Variants in ZBTB25 observed in about 807,000 individuals in gnomAD.
ZBTB25 encodes zinc finger and BTB domain-containing protein 25.
A neutral mutation model predicts 34.2 loss-of-function variants in ZBTB25; 20 were observed. The observed-to-expected ratio is 0.58, with a 90% CI of 0.41 to 0.85. The LOEUF (loss-of-function observed/expected upper bound fraction) is 0.85. Ranked by LOEUF, ZBTB25 falls within the 40% of genes least tolerant of loss-of-function variation. ZBTB25 has a pLI of 0.00. For missense variants in ZBTB25, 437 were observed against 521.8 expected (o/e 0.84, Z 1.58); for synonymous variants, 175 against 186.4 (o/e 0.94, Z 0.50).
intron 2 of ZBTB25, among the ~76,000 whole-genome samples, chr14:64,463,748 G>A (rs1003128692): frequency 2.0e-5 from 3 of 151,920 alleles, no homozygotes; most frequent in Non-Finnish European, 2.9e-5. Context: ...ACTCCAGCCT[G>A]AGCAAGACCC....
Position 64,481,386 on chromosome 14 carries a change from T to C in ZBTB25, c.*5537A>G, listed in dbSNP as rs1457605475. Reference sequence around the variant, plus strand: ...GAATGTTTCTGAAGCAAATTCACAGTACATTAGGTGGATGAGTTTAGCCAC... The same window carrying C: ...GAATGTTTCTGAAGCAAATTCACAGCACATTAGGTGGATGAGTTTAGCCAC... On this transcript the variant is annotated 3_prime_UTR_variant, in exon 3 of 3. Transcript: ENST00000608382. The C allele has an allele frequency of 3.9e-5, 6 of 152,268 alleles. No homozygotes were observed. The highest frequency in any genetic ancestry group is 1.5e-5 in the Non-Finnish European group (1 of 68,054). The allele number at this position is 152,268 out of a possible 1,614,324, so 9.4% of individuals were successfully genotyped here. A position where few individuals can be genotyped will look rare whatever the true frequency, so the allele number is the denominator to read the frequency against.
intron 2 of ZBTB25, chr14:64,471,227 A>C (rs1360264830): frequency 2.7e-5 from 4 of 150,654 alleles, no homozygotes; most frequent in Non-Finnish European, 5.9e-5. Context: ...ATCTTGGCTC[A>C]CTGCAAGCTC....
Position 64,487,861 on chromosome 14 carries a change from G to A in ZBTB25, c.370C>T (p.Gln124Ter). 2 of 1,614,174 alleles carry A rather than the reference G, an allele frequency of 1.2e-6. No homozygotes were observed. The highest frequency in any genetic ancestry group is 1.7e-6 in the Non-Finnish European group (2 of 1,180,034). Residue 124 changes from glutamine to a stop codon, truncating the protein, a stop_gained, in exon 3 of 3, where the codon CAG becomes TAG. Coordinates refer to ENST00000608382, the MANE Select transcript of ZBTB25 (RefSeq NM_006977.5). LOFTEE classifies it high-confidence loss of function. ...TGAATGCCATATAAATTTGAGGACT[G>A]CACAGTCTCTGGTGAGAACACTTGA... The part of the protein sequence containing the change: ...MNQVFSPETV[Q>*]SSNLYGIQIS...
upstream of ZBTB25, chr14:64,505,020 G>C (rs991573552): frequency 2.6e-6 from 1 of 386,872 alleles, no homozygotes; most frequent in Non-Finnish European, 4.6e-6. Flanking sequence ...CGCGGGCCTG[G>C]CGGAGTGCGG....
At chr14:64,458,215 T>C in intron 2 of ZBTB25, 3 of 1,607,254 alleles carry the variant, frequency 1.9e-6, no homozygotes, top group Non-Finnish European at 2.6e-6. Context: ...ACATCCTAGA[T>C]GAGCACAATG....
chr14:64,476,024 C>CT (rs767209748), downstream of ZBTB25, among the ~76,000 whole-genome samples: 6 of 152,184 alleles, frequency 3.9e-5, no homozygotes, highest in Non-Finnish European at 8.8e-5. Flanking sequence ...TTCTGCACTC[C>CT]TGGGAGATAG....
chr14:64,486,609 C>A lies in ZBTB25; in HGVS notation c.*314G>T. The A allele has an allele frequency of 1.1e-6, 1 of 949,498 alleles. No individual in the cohort carries two copies. The highest frequency in any genetic ancestry group is 1.3e-6 in the Non-Finnish European group (1 of 784,046). The allele number at this position is 949,498 out of a possible 1,614,324, so 58.8% of individuals were successfully genotyped here. A position where few individuals can be genotyped will look rare whatever the true frequency, so the allele number is the denominator to read the frequency against. On this transcript the variant is annotated 3_prime_UTR_variant, in exon 3 of 3. Coordinates refer to ENST00000608382, the MANE Select transcript of ZBTB25 (RefSeq NM_006977.5). ...TTACTTTATATTCAATTTGATTTTA[C>A]TGATTCTATAACTGGAAAAACTTAG...
chr14:64,503,537 C>G, intron 1 of ZBTB25, 124 bp downstream of exon 1: 1 of 985,988 alleles, frequency 1.0e-6, no homozygotes, highest in Non-Finnish European at 1.2e-6. Flanking sequence ...CCAAAAACAC[C>G]CCTCTCCCCA....
intron 1 of ZBTB25, among the ~76,000 whole-genome samples, chr14:64,497,362 TTGAC>T (rs1180047995): frequency 6.6e-6 from 1 of 152,204 alleles, no homozygotes; most frequent in African/African-American, 2.4e-5. Flanking sequence ...TCATCATTCT[TTGAC>T]TGTCTATTTT....
intron 2 of ZBTB25, among the ~76,000 whole-genome samples, chr14:64,453,300 A>C (rs1566577870): frequency 6.6e-6 from 1 of 152,020 alleles, no homozygotes; most frequent in Non-Finnish European, 1.5e-5. Context: ...GGCTGGGTGC[A>C]GTGGCTCACA....
intron 1 of ZBTB25, among the ~76,000 whole-genome samples, chr14:64,493,944 C>T (rs983723677): frequency 4.0e-5 from 6 of 151,748 alleles, no homozygotes; most frequent in Middle Eastern, 3.2e-3. Flanking sequence ...TAGTGATCAG[C>T]GGGGACAAGA....
At chr14:64,467,541 C>T (rs1373340612) in intron 2 of ZBTB25, 4 of 152,054 alleles carry the variant, frequency 2.6e-5, no homozygotes, top group Non-Finnish European at 5.9e-5. Flanking sequence ...TGAAAAATAG[C>T]ACTTCCTTGA....
At chr14:64,492,538 G>A (rs765407897) in intron 1 of ZBTB25, among the ~76,000 whole-genome samples, 4 of 151,512 alleles carry the variant, frequency 2.6e-5, no homozygotes, top group East Asian at 1.9e-4. Flanking sequence ...TGTGAAAAAC[G>A]TGTCTTAGAA....
chr14:64,449,475 C>T, exon 3 of ZBTB25: 1 of 1,613,868 alleles, frequency 6.2e-7, no homozygotes, highest in Non-Finnish European at 8.5e-7. Flanking sequence ...TGGACCTCAT[C>T]AGCCGCCTTT....
At chr14:64,449,311 C>A in exon 3 of ZBTB25, 1 of 1,067,700 alleles carries the variant, frequency 9.4e-7, no homozygotes, top group Non-Finnish European at 1.4e-6. Flanking sequence ...AGCTGAGATT[C>A]AAACCCAGGC....
At chr14:64,457,601 A>G (rs2078496619) in intron 2 of ZBTB25, among the ~76,000 whole-genome samples, 2 of 152,050 alleles carry the variant, frequency 1.3e-5, no homozygotes, top group Admixed American at 1.3e-4. Flanking sequence ...GATTACAGGC[A>G]CACGCCACCA....
rs774355435 is a variant in ZBTB25, at chr14:64,449,418, CT to C, written c.*132del. ...TCTGTCTCTCCAGCCATTTTCCATG[CT>C]TTGATATGAAATGCTTCCTTTATAG... On this transcript the variant is annotated 3_prime_UTR_variant, in exon 3 of 3. Transcript: ENST00000555220. 1.6e-5 allele frequency: 26 copies of C among 1,611,230 alleles called. No homozygotes were observed. In the African/African-American group the frequency reaches 3.3e-4, roughly 21 times the overall value.
At chr14:64,502,730 C>G in intron 1 of ZBTB25, 2 of 985,108 alleles carry the variant, frequency 2.0e-6, no homozygotes, top group Non-Finnish European at 2.4e-6. Context: ...GTGCAATCAC[C>G]AAGGTGTCTG....
exon 3 of ZBTB25, chr14:64,449,257 A>C (rs2078333599): frequency 6.0e-6 from 4 of 661,526 alleles, no homozygotes; most frequent in Non-Finnish European, 1.1e-5. Flanking sequence ...GAGGCACATA[A>C]AGATTAGGTA....
Sources: allele counts gnomAD v4.1 joint callset (sites outside exome capture counted in the v4.1 genomes callset), GRCh38; gene constraint gnomAD v4.1.1; transcripts MANE v1.5; gene names NCBI Gene and HGNC (gene_info 2026-07-23, HGNC 2026-07-21).